KCTD16: variants seen among roughly 807,000 people sequenced by gnomAD.
The protein encoded by KCTD16 is potassium channel tetramerization domain containing 16, also known as BTB/POZ domain-containing protein KCTD16.
In KCTD16, 13 loss-of-function variants were observed where a neutral mutation model predicts 33.2. The ratio of observed to expected loss-of-function variants is 0.39; its 90% CI spans 0.25 to 0.62. KCTD16 has a LOEUF of 0.62. Ranked by LOEUF, KCTD16 falls within the 20% of genes least tolerant of loss-of-function variation. The pLI, the probability that KCTD16 is intolerant of heterozygous loss-of-function variation, is 0.50. For synonymous variants in KCTD16, 197 were observed against 195.3 expected, an observed-to-expected ratio of 1.01 and a Z score of -0.07; for missense variants, 441 against 525.1, an observed-to-expected ratio of 0.84 and a Z score of 1.57.
chr5:144,377,077 A>G (rs575461448), intron 3 of KCTD16, among the ~76,000 whole-genome samples: 17 of 152,186 alleles, frequency 1.1e-4, no homozygotes, highest in South Asian at 2.1e-4. Context: ...ATTTTATCAA[A>G]CTCATTTCCT....
intron 3 of KCTD16, among the ~76,000 whole-genome samples, chr5:144,267,462 C>T (rs1380915553): frequency 1.3e-5 from 2 of 152,122 alleles, no homozygotes; most frequent in East Asian, 3.9e-4. Flanking sequence ...GTGAGACAAG[C>T]CTCACTTGCT....
intron 3 of KCTD16, among the ~76,000 whole-genome samples, chr5:144,226,845 T>G (rs1323294392): frequency 6.6e-6 from 1 of 152,220 alleles, no homozygotes; most frequent in East Asian, 1.9e-4. Context: ...AATGCTGGGA[T>G]TACAGGTGTG....
chr5:144,406,123 C>T (rs1293752696), intron 3 of KCTD16, among the ~76,000 whole-genome samples: 1 of 152,126 alleles, frequency 6.6e-6, no homozygotes, highest in African/African-American at 2.4e-5. Context: ...CGCCTGACTA[C>T]CGAAGGACTT....
intron 3 of KCTD16, among the ~76,000 whole-genome samples, chr5:144,269,186 A>C (rs2126845373): frequency 6.6e-6 from 1 of 152,218 alleles, no homozygotes; most frequent in South Asian, 2.1e-4. Context: ...ATTTGAAGAA[A>C]TAATGTCTGA....
intron 1 of KCTD16, among the ~76,000 whole-genome samples, chr5:144,173,907 T>C (rs1752446394): frequency 6.6e-6 from 1 of 151,842 alleles, no homozygotes; most frequent in South Asian, 2.1e-4. Flanking sequence ...TTGGATTTTT[T>C]TTTTTTTTTT....
intron 3 of KCTD16, among the ~76,000 whole-genome samples, chr5:144,228,104 A>G (rs1236314423): frequency 6.6e-6 from 1 of 152,210 alleles, no homozygotes; most frequent in Non-Finnish European, 1.5e-5. Context: ...ATCACCATGT[A>G]GAATGTATTT....
chr5:144,288,363 G>A (rs1015169535), intron 3 of KCTD16, among the ~76,000 whole-genome samples: 2 of 152,146 alleles, frequency 1.3e-5, no homozygotes, highest in Non-Finnish European at 1.5e-5. Flanking sequence ...GCTCATCAAC[G>A]TGTTGTGGGT....
At chr5:144,244,598 A>G (rs1438147481) in intron 3 of KCTD16, among the ~76,000 whole-genome samples, 1 of 152,208 alleles carries the variant, frequency 6.6e-6, no homozygotes, top group Non-Finnish European at 1.5e-5. Flanking sequence ...GTGATCCATT[A>G]TATCTCCATA....
intron 3 of KCTD16, among the ~76,000 whole-genome samples, chr5:144,436,274 T>C (rs1032747770): frequency 1.3e-5 from 2 of 152,222 alleles, no homozygotes; most frequent in Admixed American, 6.5e-5. Context: ...CTACTTATTA[T>C]GATTAATATG....
chr5:144,172,710 T>C (rs1287610783), intron 1 of KCTD16, among the ~76,000 whole-genome samples: 1 of 152,238 alleles, frequency 6.6e-6, no homozygotes, highest in African/African-American at 2.4e-5. Flanking sequence ...TAATTATTAA[T>C]GTTGCTCCCT....
chr5:144,191,477 A>G lies in KCTD16; in HGVS notation c.-326-14912A>G, dbSNP rs146693624. 4.0e-3 allele frequency among the ~76,000 whole-genome samples: 601 copies of G among 151,962 alleles called. 5 individuals are homozygous for G. Among genetic ancestry groups the G allele is most frequent in the African/African-American group, 0.013 (546 of 41,454 alleles). On this transcript the variant is annotated intron_variant, in intron 2 of 3. Coordinates refer to ENST00000512467, the MANE Select transcript of KCTD16 (RefSeq NM_020768.4). ...ACACACTTACACACATATTTTTTCAACCACTTTTCCCTTCTACATAGAACC... is the reference window on the plus strand; with the variant it reads ...ACACACTTACACACATATTTTTTCAGCCACTTTTCCCTTCTACATAGAACC...
chr5:144,468,543 T>C (rs1754399436), intron 3 of KCTD16, among the ~76,000 whole-genome samples: 1 of 152,344 alleles, frequency 6.6e-6, no homozygotes, highest in South Asian at 2.1e-4. Flanking sequence ...ACAAACTTTT[T>C]TCAGAAGCTC....
rs574367498 is a variant in KCTD16 at position 144,321,640 on chromosome 5, G to A, written c.832+114094G>A. Among the ~76,000 whole-genome samples, 6 of 152,022 alleles carry A rather than the reference G, an allele frequency of 3.9e-5. No homozygotes were observed. In the East Asian group the frequency reaches 5.8e-4, roughly 15 times the overall value. ...TAATTACTTCTTAGTTTGATTTGACGGCCTTATTCTATTAGATAAGATGTG... is the reference window on the plus strand; with the variant it reads ...TAATTACTTCTTAGTTTGATTTGACAGCCTTATTCTATTAGATAAGATGTG... On this transcript the variant is annotated intron_variant, in intron 3 of 3. Coordinates refer to ENST00000512467, the MANE Select transcript of KCTD16 (RefSeq NM_020768.4).
intron 3 of KCTD16, among the ~76,000 whole-genome samples, chr5:144,239,982 G>T (rs1166055429): frequency 1.3e-5 from 2 of 152,084 alleles, no homozygotes; most frequent in African/African-American, 2.4e-5. Context: ...TAAGTGCTTT[G>T]TATATGCCAG....
chr5:144,291,202 G>T (rs963051802), intron 3 of KCTD16, among the ~76,000 whole-genome samples: 3 of 152,150 alleles, frequency 2.0e-5, no homozygotes, highest in Admixed American at 1.3e-4. Context: ...CCTGCCTCAT[G>T]GGTTAGCATT....
At position 144,231,040 on chromosome 5, in the gene KCTD16, G is replaced by GTC. The variant is rs570912017; in HGVS notation, c.832+23495_832+23496insCT. 2.0e-5 allele frequency among the ~76,000 whole-genome samples: 3 copies of GTC among 152,284 alleles called. No individual in the cohort carries two copies. In the South Asian group the frequency reaches 6.2e-4, roughly 32 times the overall value. On this transcript the variant is annotated intron_variant, in intron 3 of 3. Transcript: ENST00000512467. The stretch of plus-strand genomic sequence containing the variant: ...CAGATGGTGAAGGGCCTTATGTGAC[G>GTC]TGCTGAACTACTGGACTTTATCCTG...
At position 144,474,257 on chromosome 5, in the gene KCTD16, A is replaced by G. The variant is rs188494964; in HGVS notation, c.*143A>G. On this transcript the variant is annotated 3_prime_UTR_variant, in exon 4 of 4. Coordinates refer to ENST00000512467, the MANE Select transcript of KCTD16 (RefSeq NM_020768.4). ...ATAGTCCATTGATATACTACTGCCT[A>G]CTTTACCTAGTTCACCTTAACATGT... 1,044 of 642,732 alleles carry G rather than the reference A, an allele frequency of 1.6e-3. 5 individuals carry two copies. The highest frequency in any genetic ancestry group is 1.7e-3 in the Non-Finnish European group (656 of 378,748). The allele number at this position is 642,732 out of a possible 1,614,324, so 39.8% of individuals were successfully genotyped here.
At chr5:144,245,401 A>G (rs1364092292) in intron 3 of KCTD16, among the ~76,000 whole-genome samples, 2 of 152,254 alleles carry the variant, frequency 1.3e-5, no homozygotes, top group African/African-American at 4.8e-5. Context: ...GACTTTAAGT[A>G]TAGGAGTTAA....
At chr5:144,443,132 G>A (rs548494172) in intron 3 of KCTD16, among the ~76,000 whole-genome samples, 63 of 152,186 alleles carry the variant, frequency 4.1e-4, no homozygotes, top group Admixed American at 1.6e-3. Context: ...ACGCAGGCAG[G>A]CTGCCCTTAC....
Sources: gnomAD v4.1 joint callset for allele counts (sites outside exome capture counted in the v4.1 genomes callset) on GRCh38, gnomAD v4.1.1 for gene constraint, MANE v1.5 for transcripts, NCBI Gene and HGNC (gene_info 2026-07-23, HGNC 2026-07-21) for gene names.